Variants in DENND2C observed in about 807,000 individuals in gnomAD.
DENND2C encodes the protein DENN domain containing 2C.
Under a neutral mutation model 112.4 loss-of-function variants are expected in DENND2C, and 72 were observed. The ratio of observed to expected loss-of-function variants is 0.64; its 90% CI spans 0.53 to 0.78. The LOEUF is 0.78. Among genes scored for constraint, DENND2C ranks in the 30% least tolerant of loss-of-function variants. DENND2C has a pLI of 0.00. For synonymous variants in DENND2C, 329 were observed against 381.6 expected (o/e 0.86, Z 1.61); for missense variants, 992 against 1,113.8 (o/e 0.89, Z 1.56).
At chr1:114,641,776 A>G (rs999959503) in intron 3 of DENND2C, among the ~76,000 whole-genome samples, 2 of 152,268 alleles carry the variant, frequency 1.3e-5, no homozygotes, top group East Asian at 1.9e-4. Flanking sequence ...GACAAATACA[A>G]TAGTCAACAA....
At chr1:114,637,689 A>G (rs1656696171) in intron 3 of DENND2C, among the ~76,000 whole-genome samples, 1 of 151,836 alleles carries the variant, frequency 6.6e-6, no homozygotes, top group Non-Finnish European at 1.5e-5. Flanking sequence ...TTATATCTTT[A>G]GAAGAGACTA....
chr1:114,662,324 T>C (rs1015686011), intron 1 of DENND2C, among the ~76,000 whole-genome samples: 4 of 151,902 alleles, frequency 2.6e-5, no homozygotes, highest in African/African-American at 7.3e-5. Context: ...CAGAGAAAAA[T>C]GCAAATCCCT....
rs1053355249 is a variant in DENND2C at position 114,606,467 on chromosome 1, C to T, written c.1558-1436G>A. Among the ~76,000 whole-genome samples the T allele has an allele frequency of 3.9e-5, 6 of 152,028 alleles. 1 individual carries two copies. The highest frequency in any genetic ancestry group is 1.4e-4 in the African/African-American group (6 of 41,396). On this transcript the variant is annotated intron_variant, in intron 10 of 20. Transcript: ENST00000393274. ...AACTCAGGGTTATAAACCCAACAGT[C>T]CTAAAGTGGCCAAGCAGATAACTGA...
chr1:114,646,980 C>T (rs1421322562), intron 2 of DENND2C, among the ~76,000 whole-genome samples: 8 of 151,468 alleles, frequency 5.3e-5, no homozygotes, highest in African/African-American at 1.7e-4. Flanking sequence ...GCCAACATGG[C>T]GAAACCCTGT....
rs749330206 is a variant in DENND2C, at chr1:114,625,868, T to C, written c.117A>G (p.Glu39=). ...EGRANGISNP[E]KWCPKDFGVR... Reference sequence around the variant, plus strand: ...CTCCAAAGTCCTTTGGACACCACTTTTCTGGATTAGATATACCATTAGCCC... The same window carrying C: ...CTCCAAAGTCCTTTGGACACCACTTCTCTGGATTAGATATACCATTAGCCC... Residue 39 remains glutamate (E), a synonymous_variant, in exon 4 of 21, where the codon GAA becomes GAG. Transcript: ENST00000393274. 13 of 1,614,152 alleles carry C rather than the reference T, an allele frequency of 8.1e-6. No individual in the cohort carries two copies. In the South Asian group the frequency reaches 1.4e-4, roughly 18 times the overall value.
In DENND2C at chr1:114,594,388, T is replaced by A. The variant is rs1326777881; in HGVS notation, c.2431+85A>T. On this transcript the variant is annotated intron_variant, in intron 18 of 20. Transcript: ENST00000393274. The stretch of plus-strand genomic sequence containing the variant: ...CAGGCAATCTAATGCTACTTTGGTA[T>A]ATCCTTTAACATAGTGCTGGGCATT... The A allele has an allele frequency of 5.3e-6, 6 of 1,128,392 alleles. No individual in the cohort carries two copies. The East Asian group carries it at 1.2e-4, about 22-fold the overall frequency. The allele number at this position is 1,128,392 out of a possible 1,614,324, so 69.9% of individuals were successfully genotyped here.
At chr1:114,587,684 A>G (rs1655076713) in intron 19 of DENND2C, 32 bp downstream of exon 19, 2 of 1,565,846 alleles carry the variant, frequency 1.3e-6, no homozygotes, top group East Asian at 2.3e-5. Flanking sequence ...TATTCACTAA[A>G]TAGAGAGGGA....
At position 114,594,558 on chromosome 1, in the gene DENND2C, A is replaced by T; in HGVS notation, c.2346T>A (p.Ile782=). The stretch of plus-strand genomic sequence containing the variant: ...GGGCAGCTTGAAGTTTTGGTGGTAG[A>T]ATTTCATCCTCATCAGATACCTTAA... ...FLQEVSDEDE[I]LPPKLQAALM... The change falls in exon 18 of 21, where the codon ATT becomes ATA. Residue 782 remains isoleucine (I), a synonymous_variant. Coordinates refer to ENST00000393274, the MANE Select transcript of DENND2C (RefSeq NM_001256404.2). 6.2e-7 allele frequency: 1 copy of T among 1,613,766 alleles called. No homozygotes were observed. The highest frequency in any genetic ancestry group is 8.5e-7 in the Non-Finnish European group (1 of 1,179,940).
chr1:114,664,611 C>T (rs1240958061), intron 1 of DENND2C, among the ~76,000 whole-genome samples: 1 of 151,906 alleles, frequency 6.6e-6, no homozygotes, highest in East Asian at 2.0e-4. Context: ...TCCCAAGGAG[C>T]TGGGACTACA....
chr1:114,588,877 G>A lies in DENND2C; in HGVS notation c.2432-925C>T, dbSNP rs114133558. 9.9e-3 allele frequency among the ~76,000 whole-genome samples: 1,506 copies of A among 152,166 alleles called. 17 individuals carry two copies. Among genetic ancestry groups the A allele is most frequent in the Middle Eastern group, 0.051 (15 of 294 alleles). Reference sequence around the variant, plus strand: ...TCCAAAGTGCTGGCATTACAGATGTGAGCCACCATGCCTGGCTGACATTGC... The same window carrying A: ...TCCAAAGTGCTGGCATTACAGATGTAAGCCACCATGCCTGGCTGACATTGC... On this transcript the variant is annotated intron_variant, in intron 18 of 20. Transcript: ENST00000393274.
At position 114,585,630 on chromosome 1, in the gene DENND2C, T is replaced by A. The variant is rs761525996; in HGVS notation, c.2757A>T (p.Gly919=). ...SGMNRILRSL[G]SKMKFLQKK ...TCTTTTGCAGAAATTTCATTTTGCTTCCTAAAGGGAAAGAAAAGTACAGTG... is the reference window on the plus strand; with the variant it reads ...TCTTTTGCAGAAATTTCATTTTGCTACCTAAAGGGAAAGAAAAGTACAGTG... The change falls in exon 21 of 21, where the codon GGA becomes GGT. Residue 919 remains glycine (G), a splice_region_variant and synonymous_variant. Transcript: ENST00000393274. 36 of 1,613,544 alleles carry A rather than the reference T, an allele frequency of 2.2e-5. No individual in the cohort carries two copies. The highest frequency in any genetic ancestry group is 2.2e-5 in the Non-Finnish European group (26 of 1,179,608).
chr1:114,667,007 T>C (rs1471712946), intron 1 of DENND2C, among the ~76,000 whole-genome samples: 1 of 152,146 alleles, frequency 6.6e-6, no homozygotes, highest in Admixed American at 6.5e-5. Context: ...CCATCTCCTT[T>C]AGCCAAACCA....
intron 8 of DENND2C, among the ~76,000 whole-genome samples, chr1:114,617,591 G>A (rs1557946688): frequency 6.6e-6 from 1 of 151,786 alleles, no homozygotes; most frequent in African/African-American, 2.4e-5. Context: ...ACAGGCGTAA[G>A]CCACCACACC....
chr1:114,669,874 C>T (rs972871713), intron 1 of DENND2C, 109 bp downstream of exon 1: 1 of 152,262 alleles, frequency 6.6e-6, no homozygotes, highest in African/African-American at 2.4e-5. Flanking sequence ...AGGACTACGC[C>T]GCGGCGCCAC....
intron 7 of DENND2C, among the ~76,000 whole-genome samples, chr1:114,620,176 A>T (rs1333235156): frequency 6.6e-6 from 1 of 152,206 alleles, no homozygotes; most frequent in East Asian, 1.9e-4. Context: ...TTTCTAGAAG[A>T]TACTCCAAAG....
At chr1:114,587,184 A>T (rs879015425) in intron 20 of DENND2C, 2 of 587,872 alleles carry the variant, frequency 3.4e-6, no homozygotes, top group Admixed American at 2.9e-5. Flanking sequence ...TTACAGGCAT[A>T]AGCCACCATG....
chr1:114,623,079 A>T lies in DENND2C; in HGVS notation c.964T>A (p.Tyr322Asn), dbSNP rs771848335. Reference sequence around the variant, plus strand: ...AAAGGCTGCACTGGAATATCTTCATATGGATTTTCTTTGGTGGGATCTTAA... The same window carrying T: ...AAAGGCTGCACTGGAATATCTTCATTTGGATTTTCTTTGGTGGGATCTTAA... Reference protein sequence around the residue: ...DIIYPTKENPYEDIPVQPLPM... With the variant: ...DIIYPTKENPNEDIPVQPLPM... Residue 322 changes from tyrosine (Y) to asparagine (N), a missense_variant, in exon 6 of 21, where the codon TAT (tyrosine) becomes AAT (asparagine). This residue lies in a region of DENND2C where 470 missense variants were observed against 472.7 expected (regional missense o/e 0.99). Coordinates refer to ENST00000393274, the MANE Select transcript of DENND2C (RefSeq NM_001256404.2). 1.2e-6 allele frequency: 2 copies of T among 1,609,670 alleles called. No individual in the cohort carries two copies. The highest frequency in any genetic ancestry group is 4.5e-5 in the East Asian group (2 of 44,784).
chr1:114,669,169 T>C (rs569036381), intron 1 of DENND2C, among the ~76,000 whole-genome samples: 26 of 152,358 alleles, frequency 1.7e-4, no homozygotes, highest in Admixed American at 3.9e-4. Context: ...GTGCCTACTA[T>C]GTACCAGGCA....
intron 7 of DENND2C, among the ~76,000 whole-genome samples, chr1:114,618,904 C>G (rs1656079134): frequency 1.3e-5 from 2 of 152,184 alleles, no homozygotes; most frequent in Admixed American, 6.5e-5. Flanking sequence ...CCCAGAAATT[C>G]TTCCCAAGGA....
Sources: gnomAD v4.1 joint callset for allele counts (sites outside exome capture counted in the v4.1 genomes callset) on GRCh38, gnomAD v4.1.1 for gene constraint, gnomAD v4.1.1 regional missense constraint, MANE v1.5 for transcripts, NCBI Gene and HGNC (gene_info 2026-07-23, HGNC 2026-07-21) for gene names.